The following CSMD3 variants were observed in gnomAD, a reference collection of about 807,000 sequenced individuals.
CSMD3 encodes the protein CUB and Sushi multiple domains 3.
Under a neutral mutation model 435.2 loss-of-function variants are expected in CSMD3, and 177 were observed. The ratio of observed to expected loss-of-function variants is 0.41; its 90% CI spans 0.36 to 0.46. The LOEUF (loss-of-function observed/expected upper bound fraction) is 0.46. CSMD3 is among the 20% of genes least tolerant of loss of function. The probability of loss-of-function intolerance (pLI) is 0.34; values close to 1 mark genes in which losing one functional copy is unlikely to be tolerated. For missense variants in CSMD3, 4,265 were observed against 4,504.6 expected, an observed-to-expected ratio of 0.95 and a Z score of 1.52; for synonymous variants, 1,656 against 1,520.5, an observed-to-expected ratio of 1.09 and a Z score of -2.07.
At chr8:112,386,934 T>C (rs1414589240) in intron 36 of CSMD3, among the ~76,000 whole-genome samples, 2 of 152,262 alleles carry the variant, frequency 1.3e-5, no homozygotes, top group Admixed American at 6.5e-5. Context: ...GCATCTATCA[T>C]ATAACTGTTC....
chr8:112,285,086 T>C (rs1781540651), intron 58 of CSMD3, among the ~76,000 whole-genome samples: 2 of 152,182 alleles, frequency 1.3e-5, no homozygotes, highest in African/African-American at 4.8e-5. Flanking sequence ...TGGTATCAGC[T>C]TCATTTATGA....
Position 112,319,812 on chromosome 8 carries a change from G to A in CSMD3, c.7246+89C>T, listed in dbSNP as rs1394876913. ...CACAGGGAATGAGGGTCTCAAGACA[G>A]GCTATTACTATTCTGTATTTTGGCT... is the stretch of plus-strand genomic sequence containing the variant. On this transcript the variant is annotated intron_variant, in intron 46 of 70. Transcript: ENST00000297405. 4 of 906,246 alleles carry A rather than the reference G, an allele frequency of 4.4e-6. No individual in the cohort carries two copies. In the Admixed American group the frequency reaches 6.8e-5, roughly 15 times the overall value. 56.1% of individuals were successfully genotyped at this position (906,246 alleles called of 1,614,324 possible).
intron 11 of CSMD3, among the ~76,000 whole-genome samples, chr8:112,830,457 T>A (rs894098257): frequency 6.6e-6 from 1 of 152,152 alleles, no homozygotes; most frequent in Non-Finnish European, 1.5e-5. Flanking sequence ...ATATTGTTTA[T>A]ATACCTATGC....
chr8:112,461,524 C>G (rs1483694904), intron 32 of CSMD3, among the ~76,000 whole-genome samples: 1 of 152,018 alleles, frequency 6.6e-6, no homozygotes, highest in African/African-American at 2.4e-5. Flanking sequence ...AATGTTTACT[C>G]TCTATATGAA....
At chr8:112,692,055 G>C (rs1056038636) in intron 13 of CSMD3, among the ~76,000 whole-genome samples, 1 of 151,834 alleles carries the variant, frequency 6.6e-6, no homozygotes, top group African/African-American at 2.4e-5. Context: ...CGCCCTCCTT[G>C]GTCTCCCAAA....
chr8:113,366,258 G>T (rs1017938607), intron 1 of CSMD3, among the ~76,000 whole-genome samples: 6 of 151,894 alleles, frequency 4.0e-5, no homozygotes, highest in African/African-American at 1.5e-4. Flanking sequence ...CCTCACCAAA[G>T]AGCCCTCTGA....
intron 50 of CSMD3, 110 bp from the exon 51 acceptor site, chr8:112,306,302 T>C: frequency 1.3e-6 from 1 of 781,494 alleles, no homozygotes; most frequent in East Asian, 2.7e-5. Context: ...TTTTTATCAA[T>C]TCCTCTGAAA....
chr8:112,436,373 T>C (rs1814350295), intron 32 of CSMD3, among the ~76,000 whole-genome samples: 1 of 151,920 alleles, frequency 6.6e-6, no homozygotes. Context: ...AGAGAGTTAC[T>C]AGGACAAAGA....
intron 2 of CSMD3, among the ~76,000 whole-genome samples, chr8:113,299,879 G>C (rs1484542104): frequency 1.3e-5 from 2 of 151,990 alleles, no homozygotes; most frequent in Non-Finnish European, 2.9e-5. Flanking sequence ...TGTATTCCCA[G>C]CTATTCGGGA....
At chr8:113,296,291 T>TGTAATAATAATA (rs373116266) in intron 2 of CSMD3, among the ~76,000 whole-genome samples, 7 of 146,268 alleles carry the variant, frequency 4.8e-5, no homozygotes, top group Non-Finnish European at 9.0e-5. Flanking sequence ...GAACTTAAAG[T>TGTAATAATAATA]ATAATAATAA....
intron 2 of CSMD3, among the ~76,000 whole-genome samples, chr8:113,294,894 G>A (rs1431642170): frequency 6.6e-6 from 1 of 152,034 alleles, no homozygotes; most frequent in Admixed American, 6.6e-5. Flanking sequence ...GATTTCAAGA[G>A]TATCCTCACT....
At chr8:112,761,798 C>T (rs561288955) in intron 13 of CSMD3, among the ~76,000 whole-genome samples, 6 of 151,914 alleles carry the variant, frequency 3.9e-5, no homozygotes, top group African/African-American at 1.4e-4. Flanking sequence ...ACATATGTAT[C>T]CATGTGAGTA....
chr8:112,782,580 C>A (rs989820679), intron 13 of CSMD3, among the ~76,000 whole-genome samples: 2 of 151,936 alleles, frequency 1.3e-5, no homozygotes, highest in African/African-American at 4.8e-5. Context: ...TGTCAATATT[C>A]AAGTGCTAGA....
chr8:112,638,114 GAAGA>G (rs1163025057), intron 21 of CSMD3, among the ~76,000 whole-genome samples: 2 of 150,590 alleles, frequency 1.3e-5, no homozygotes, highest in Non-Finnish European at 3.0e-5. Flanking sequence ...GGTTATACTA[GAAGA>G]AAGGAGTAAC....
chr8:113,416,627 T>C (rs1248027916), intron 1 of CSMD3, among the ~76,000 whole-genome samples: 1 of 152,084 alleles, frequency 6.6e-6, no homozygotes, highest in Non-Finnish European at 1.5e-5. Flanking sequence ...GTAGAATACA[T>C]TTGCTGGAGT....
At chr8:112,761,655 G>A (rs2077841224) in intron 13 of CSMD3, among the ~76,000 whole-genome samples, 1 of 151,962 alleles carries the variant, frequency 6.6e-6, no homozygotes, top group South Asian at 2.1e-4. Flanking sequence ...CTTAATTCAT[G>A]TCTTTAAAAC....
intron 40 of CSMD3, among the ~76,000 whole-genome samples, chr8:112,348,101 A>G (rs1825827294): frequency 6.6e-6 from 1 of 152,224 alleles, no homozygotes; most frequent in Non-Finnish European, 1.5e-5. Flanking sequence ...AAACAATGAC[A>G]AATCATTAGA....
intron 32 of CSMD3, among the ~76,000 whole-genome samples, chr8:112,464,740 A>AT (rs1464126509): frequency 7.9e-5 from 12 of 152,178 alleles, no homozygotes; most frequent in Admixed American, 2.6e-4. Context: ...TAAGTGCAAC[A>AT]TCTACTGAGA....
At chr8:112,325,124 T>C (rs1028818245) in intron 45 of CSMD3, among the ~76,000 whole-genome samples, 1 of 152,110 alleles carries the variant, frequency 6.6e-6, no homozygotes, top group Non-Finnish European at 1.5e-5. Context: ...CCTATCATTC[T>C]TACTTCTTAA....
Sources: gnomAD v4.1 joint callset for allele counts (sites outside exome capture counted in the v4.1 genomes callset) on GRCh38, gnomAD v4.1.1 for gene constraint, MANE v1.5 for transcripts, NCBI Gene and HGNC (gene_info 2026-07-23, HGNC 2026-07-21) for gene names.